The following DPYSL3 variants were observed in gnomAD, a reference collection of about 807,000 sequenced individuals.
The protein encoded by DPYSL3 is dihydropyrimidinase-related protein 3.
In DPYSL3, 16 loss-of-function variants were observed where a neutral mutation model predicts 66.1. The ratio of observed to expected loss-of-function variants is 0.24; its 90% CI spans 0.16 to 0.37. The LOEUF (loss-of-function observed/expected upper bound fraction) is 0.37, where lower values mean the gene tolerates loss of function less well. Ranked by LOEUF, DPYSL3 falls within the 10% of genes least tolerant of loss-of-function variation. The pLI, the probability that DPYSL3 is intolerant of heterozygous loss-of-function variation, is 1.00. For synonymous variants in DPYSL3, 338 were observed against 345.1 expected (o/e 0.98, Z 0.23); for missense variants, 738 against 916.2 (o/e 0.81, Z 2.51).
intron 1 of DPYSL3, among the ~76,000 whole-genome samples, chr5:147,499,573 G>T (rs1753572306): frequency 6.6e-6 from 1 of 152,092 alleles, no homozygotes; most frequent in Non-Finnish European, 1.5e-5. Flanking sequence ...TAAATAAAGG[G>T]AGTATATTCC....
intron 1 of DPYSL3, chr5:147,453,427 G>A (rs1752776549): frequency 4.4e-6 from 6 of 1,352,480 alleles, no homozygotes; most frequent in South Asian, 1.7e-5. Context: ...CCCGGACCCC[G>A]GGTCTCCGTC....
chr5:147,455,059 G>C (rs1752821785), intron 1 of DPYSL3, among the ~76,000 whole-genome samples: 1 of 152,172 alleles, frequency 6.6e-6, no homozygotes, highest in Non-Finnish European at 1.5e-5. Context: ...ATGTCACTAA[G>C]CATGACTAAA....
chr5:147,493,231 T>C (rs1285183062), intron 1 of DPYSL3, among the ~76,000 whole-genome samples: 4 of 152,150 alleles, frequency 2.6e-5, no homozygotes, highest in African/African-American at 9.7e-5. Context: ...GGGAAAGAGA[T>C]GAATCCATTA....
At chr5:147,470,315 C>A (rs1311112290) in intron 1 of DPYSL3, among the ~76,000 whole-genome samples, 1 of 152,156 alleles carries the variant, frequency 6.6e-6, no homozygotes, top group Non-Finnish European at 1.5e-5. Context: ...GAGCACTAAA[C>A]AAATCTAACA....
intron 1 of DPYSL3, among the ~76,000 whole-genome samples, chr5:147,499,106 C>T (rs1265699799): frequency 5.3e-5 from 8 of 151,940 alleles, no homozygotes; most frequent in Admixed American, 5.2e-4. Context: ...TTATATGGTG[C>T]ACCACTGCTT....
intron 8 of DPYSL3, 138 bp downstream of exon 8, chr5:147,405,472 A>G (rs1333951913): frequency 8.3e-7 from 1 of 1,211,072 alleles, no homozygotes; most frequent in East Asian, 2.6e-5. Flanking sequence ...TCCCATCCAC[A>G]CAGGATGTGG....
Position 147,399,286 on chromosome 5 carries a change from T to C in DPYSL3, c.1453-34A>G, listed in dbSNP as rs528813675. 12 of 1,599,200 alleles carry C rather than the reference T, an allele frequency of 7.5e-6. No individual in the cohort carries two copies. In the East Asian group the frequency reaches 2.0e-4, roughly 27 times the overall value. On this transcript the variant is annotated intron_variant, in intron 10 of 13. Coordinates refer to ENST00000343218, the MANE Select transcript of DPYSL3 (RefSeq NM_001197294.2). Reference sequence around the variant, plus strand: ...ATATAAGAAATTATATCTATATCTATAGCTACATATATATCAATTCAGGGC... The same window carrying C: ...ATATAAGAAATTATATCTATATCTACAGCTACATATATATCAATTCAGGGC...
chr5:147,453,730 C>A, intron 1 of DPYSL3: 1 of 1,318,340 alleles, frequency 7.6e-7, no homozygotes, highest in Non-Finnish European at 9.7e-7. Flanking sequence ...CCCGCCTCCG[C>A]CCCCCTCCCG....
In DPYSL3 at chr5:147,509,376, C is replaced by A; in HGVS notation, c.381+102G>T. On this transcript the variant is annotated intron_variant, in intron 1 of 13. Transcript: ENST00000343218. The surrounding 1 kb of genome is among the most constrained non-coding windows in gnomAD (Gnocchi z 5.3). ...CCCTTTCCTCCTCCTTGTCCCCCAG[C>A]CCCGTGCAAAGTGAGCTGGAGAAAG... The A allele has an allele frequency of 1.4e-6, 2 of 1,391,984 alleles. No individual in the cohort carries two copies. The highest frequency in any genetic ancestry group is 9.4e-7 in the Non-Finnish European group (1 of 1,058,778). The allele number at this position is 1,391,984 out of a possible 1,614,324, so 86.2% of individuals were successfully genotyped here. A position where few individuals can be genotyped will look rare whatever the true frequency, so the allele number is the denominator to read the frequency against.
chr5:147,432,647 G>A (rs995186839), intron 1 of DPYSL3, among the ~76,000 whole-genome samples: 4 of 152,204 alleles, frequency 2.6e-5, no homozygotes, highest in African/African-American at 4.8e-5. Flanking sequence ...GAGCCCTAGA[G>A]AGATTCCATT....
chr5:147,447,661 G>A (rs1013589845), intron 1 of DPYSL3, among the ~76,000 whole-genome samples: 4 of 152,072 alleles, frequency 2.6e-5, no homozygotes, highest in East Asian at 1.9e-4. Flanking sequence ...ACCTGAGGTC[G>A]GGAGTTCGAG....
intron 3 of DPYSL3, among the ~76,000 whole-genome samples, chr5:147,417,607 A>G (rs892749105): frequency 2.6e-5 from 4 of 152,102 alleles, no homozygotes; most frequent in Non-Finnish European, 5.9e-5. Flanking sequence ...CTGCCTGACC[A>G]AGTTTGGGGC....
chr5:147,473,862 C>T (rs556484734), intron 1 of DPYSL3, among the ~76,000 whole-genome samples: 30 of 152,170 alleles, frequency 2.0e-4, no homozygotes, highest in African/African-American at 6.5e-4. Flanking sequence ...TTAAATGTGA[C>T]ACCCTTAGAA....
At position 147,391,657 on chromosome 5, in the gene DPYSL3, T is replaced by C. The variant is rs1310915998; in HGVS notation, c.*2378A>G. 1.3e-5 allele frequency: 2 copies of C among 152,204 alleles called. No individual in the cohort carries two copies. The allele number at this position is 152,204 out of a possible 1,614,324, so 9.4% of individuals were successfully genotyped here. On this transcript the variant is annotated 3_prime_UTR_variant, in exon 14 of 14. Transcript: ENST00000343218. ...CTTTTGTATAGGCCTGTTTGATGTG[T>C]CTTATGAAACGAAACAAATCTGAAT...
intron 1 of DPYSL3, among the ~76,000 whole-genome samples, chr5:147,433,116 AC>A (rs1348026655): frequency 6.6e-6 from 1 of 152,076 alleles, no homozygotes; most frequent in Non-Finnish European, 1.5e-5. Context: ...TTCTTCCACA[AC>A]CCCCTAAAAT....
Position 147,399,376 on chromosome 5 carries a change from C to T in DPYSL3, c.1453-124G>A, listed in dbSNP as rs937343965. ...ATACAAAAAGGAGCCACCTGAAAAG[C>T]TGGTGAGCTACAGAACCTCACTCAG... On this transcript the variant is annotated intron_variant, in intron 10 of 13. Coordinates refer to ENST00000343218, the MANE Select transcript of DPYSL3 (RefSeq NM_001197294.2). 3.6e-5 allele frequency: 42 copies of T among 1,159,686 alleles called. 2 individuals are homozygous for T. Among genetic ancestry groups the T allele is most frequent in the Middle Eastern group, 3.0e-4 (1 of 3,362 alleles). 71.8% of individuals were successfully genotyped at this position (1,159,686 alleles called of 1,614,324 possible).
intron 4 of DPYSL3, among the ~76,000 whole-genome samples, chr5:147,414,828 C>G (rs947459869): frequency 6.6e-6 from 1 of 152,136 alleles, no homozygotes; most frequent in Admixed American, 6.6e-5. Context: ...GCACACTCTT[C>G]CAGTGGACTC....
intron 1 of DPYSL3, among the ~76,000 whole-genome samples, chr5:147,446,974 C>T (rs949442487): frequency 1.3e-5 from 2 of 152,174 alleles, no homozygotes; most frequent in Non-Finnish European, 2.9e-5. Flanking sequence ...TGCTTTCTTG[C>T]CTATGAAACG....
At chr5:147,395,788 T>C (rs912033206) in intron 12 of DPYSL3, 67 bp from the exon 13 acceptor site, 31 of 1,572,056 alleles carry the variant, frequency 2.0e-5, no homozygotes, top group Non-Finnish European at 2.4e-5. Flanking sequence ...CTAGGTATCA[T>C]AAATATATTA....
Sources: allele counts gnomAD v4.1 joint callset (sites outside exome capture counted in the v4.1 genomes callset), GRCh38; gene constraint gnomAD v4.1.1; non-coding constraint Gnocchi (gnomAD v3.1); transcripts MANE v1.5; gene names NCBI Gene and HGNC (gene_info 2026-07-23, HGNC 2026-07-21).